PDZD2: variants seen among roughly 807,000 people sequenced by gnomAD.
PDZD2 encodes the protein PDZ domain-containing protein 2.
PDZD2 carries 90 observed loss-of-function variants against 220.7 expected under a neutral mutation model. The ratio of observed to expected loss-of-function variants is 0.41; its 90% CI spans 0.34 to 0.49. PDZD2 has a LOEUF of 0.49. Among genes scored for constraint, PDZD2 ranks in the 20% least tolerant of loss-of-function variants. PDZD2 has a pLI of 0.28. For synonymous variants in PDZD2, 1,375 were observed against 1,450.5 expected, an observed-to-expected ratio of 0.95 and a Z score of 1.18; for missense variants, 3,174 against 3,608.5, an observed-to-expected ratio of 0.88 and a Z score of 3.08.
chr5:31,856,648 C>T (rs1052259691), intron 2 of PDZD2, among the ~76,000 whole-genome samples: 5 of 152,252 alleles, frequency 3.3e-5, no homozygotes, highest in African/African-American at 1.2e-4. Context: ...TAGCGCTTCC[C>T]TTGAGCCTCT....
intron 2 of PDZD2, among the ~76,000 whole-genome samples, chr5:31,954,258 T>C (rs1747455921): frequency 6.6e-6 from 1 of 152,246 alleles, no homozygotes; most frequent in African/African-American, 2.4e-5. Flanking sequence ...ATTGCATGAT[T>C]GCATGATTTC....
At position 31,646,613 on chromosome 5, in the gene PDZD2, A is replaced by G. The variant is rs1342827325; in HGVS notation, c.-361+7176A>G. Among the ~76,000 whole-genome samples, 2 of 152,146 alleles carry G rather than the reference A, an allele frequency of 1.3e-5. No homozygotes were observed. Among genetic ancestry groups the G allele is most frequent in the Admixed American group, 6.6e-5 (1 of 15,266 alleles). On this transcript the variant is annotated intron_variant, in intron 1 of 24. Transcript: ENST00000438447. This position sits in a 1 kb window ranked among gnomAD's most constrained non-coding sequence, Gnocchi z 4.7. ...TTGAACACCCCCCACCACCCGCCCA[A>G]CACCCTCTTTCTGGCACAGTGTGTT...
chr5:31,712,398 A>C (rs1748168550), intron 1 of PDZD2, among the ~76,000 whole-genome samples: 1 of 151,946 alleles, frequency 6.6e-6, no homozygotes, highest in African/African-American at 2.4e-5. Context: ...AGACCTTGGC[A>C]ATGAAGAGCT....
At chr5:31,908,188 A>T (rs902791644) in intron 2 of PDZD2, among the ~76,000 whole-genome samples, 9 of 151,954 alleles carry the variant, frequency 5.9e-5, no homozygotes, top group African/African-American at 2.2e-4. Flanking sequence ...TTTAAAATGC[A>T]CAAAGATAGT....
At chr5:31,841,276 G>C (rs1473345957) in intron 2 of PDZD2, among the ~76,000 whole-genome samples, 2 of 152,108 alleles carry the variant, frequency 1.3e-5, no homozygotes, top group Non-Finnish European at 2.9e-5. Flanking sequence ...ACATCTGTGG[G>C]TATGAACTTA....
chr5:32,087,667 T>C lies in PDZD2; in HGVS notation c.4219T>C (p.Cys1407Arg), dbSNP rs1228710152. Residue 1407 changes from cysteine (C) to arginine (R), a missense_variant, in exon 20 of 25, where the codon TGT (cysteine) becomes CGT (arginine). By Grantham distance (180) the Cys-to-Arg change is radical. Transcript: ENST00000438447. This position sits in a 1 kb window ranked among gnomAD's most constrained non-coding sequence, Gnocchi z 4.0. The stretch of plus-strand genomic sequence containing the variant: ...ATCCACTGACAACACCAAAGAAGCA[T>C]GTGGCCATGTCTCGGGGCACTGCTG... ...LPSTDNTKEA[C>R]GHVSGHCCPG... 1.2e-6 allele frequency: 2 copies of C among 1,614,054 alleles called. No individual in the cohort carries two copies. Among genetic ancestry groups the C allele is most frequent in the Non-Finnish European group, 1.7e-6 (2 of 1,180,030 alleles).
At position 31,727,598 on chromosome 5, in the gene PDZD2, G is replaced by T. The variant is rs188880116; in HGVS notation, c.-360-71291G>T. ...ACCTGTAATCCCAGCTCCTCAGGAG[G>T]CTGAGGCAGGAGAATCGTTTGAGCC... is the stretch of plus-strand genomic sequence containing the variant. On this transcript the variant is annotated intron_variant, in intron 1 of 24. Coordinates refer to ENST00000438447, the MANE Select transcript of PDZD2 (RefSeq NM_178140.4). Among the ~76,000 whole-genome samples the T allele has an allele frequency of 1.0e-3, 153 of 151,978 alleles. 2 individuals carry two copies. Among genetic ancestry groups the T allele is most frequent in the African/African-American group, 3.5e-3 (144 of 41,420 alleles).
At chr5:31,917,685 T>C (rs1345218878) in intron 2 of PDZD2, among the ~76,000 whole-genome samples, 1 of 152,168 alleles carries the variant, frequency 6.6e-6, no homozygotes, top group Non-Finnish European at 1.5e-5. Context: ...GGGTAATTTA[T>C]AAAGAAAAGA....
At chr5:32,010,011 C>T (rs751760615) in intron 5 of PDZD2, among the ~76,000 whole-genome samples, 35 of 145,632 alleles carry the variant, frequency 2.4e-4, no homozygotes, top group African/African-American at 3.1e-4. Context: ...CACTTGAACC[C>T]GGGAGGCGGA....
chr5:31,868,313 C>T (rs527498316), intron 2 of PDZD2, among the ~76,000 whole-genome samples: 16 of 152,222 alleles, frequency 1.1e-4, no homozygotes, highest in South Asian at 4.2e-4. Flanking sequence ...GGTGTGCTGG[C>T]GTGTGCCTTT....
intron 24 of PDZD2, among the ~76,000 whole-genome samples, chr5:32,107,011 C>A (rs1389336177): frequency 2.0e-5 from 3 of 152,176 alleles, no homozygotes; most frequent in Non-Finnish European, 4.4e-5. Context: ...TCAATAACGA[C>A]TTTCAGTAAT....
At chr5:32,096,828 G>GT (rs1388092153) in intron 21 of PDZD2, among the ~76,000 whole-genome samples, 14 of 70,566 alleles carry the variant, frequency 2.0e-4, no homozygotes, top group African/African-American at 3.5e-4. Context: ...TATGTACTAT[G>GT]ATTTTTTTTT....
chr5:31,881,464 G>T (rs1739919881), intron 2 of PDZD2, among the ~76,000 whole-genome samples: 1 of 149,410 alleles, frequency 6.7e-6, no homozygotes, highest in Admixed American at 6.7e-5. Flanking sequence ...TGCAACCTCT[G>T]CCTCCCAGAT....
intron 6 of PDZD2, among the ~76,000 whole-genome samples, chr5:32,032,848 C>G (rs985601985): frequency 1.3e-5 from 2 of 152,168 alleles, no homozygotes; most frequent in South Asian, 2.1e-4. Flanking sequence ...GATTTGTGCC[C>G]AGGTAGCTGG....
At chr5:31,901,433 A>G (rs895619490) in intron 2 of PDZD2, among the ~76,000 whole-genome samples, 1 of 150,800 alleles carries the variant, frequency 6.6e-6, no homozygotes, top group African/African-American at 2.4e-5. Flanking sequence ...AAAAAAAAGA[A>G]GAAGAAAGGT....
At chr5:32,078,638 T>TGAAAA (rs1561525673) in intron 19 of PDZD2, among the ~76,000 whole-genome samples, 1 of 104,924 alleles carries the variant, frequency 9.5e-6, no homozygotes, top group Non-Finnish European at 1.8e-5. Context: ...TCTCAAAAAT[T>TGAAAA]AAAAAAAAAA....
intron 1 of PDZD2, among the ~76,000 whole-genome samples, chr5:31,712,298 G>T (rs1174428875): frequency 1.3e-5 from 2 of 152,320 alleles, no homozygotes; most frequent in East Asian, 3.9e-4. Flanking sequence ...ATTTGGTGGG[G>T]CAGTTCCCTG....
At chr5:31,880,471 T>A (rs979239868) in intron 2 of PDZD2, among the ~76,000 whole-genome samples, 5 of 152,218 alleles carry the variant, frequency 3.3e-5, no homozygotes, top group Non-Finnish European at 7.3e-5. Flanking sequence ...GTAAGCTCGT[T>A]CAAAATTCTA....
At chr5:31,996,936 G>C (rs191058373) in intron 4 of PDZD2, among the ~76,000 whole-genome samples, 2 of 152,330 alleles carry the variant, frequency 1.3e-5, no homozygotes, top group African/African-American at 4.8e-5. Flanking sequence ...TCTGGAAGTA[G>C]GAAGAGGAAT....
Sources: allele counts gnomAD v4.1 joint callset (sites outside exome capture counted in the v4.1 genomes callset), GRCh38; gene constraint gnomAD v4.1.1; non-coding constraint Gnocchi (gnomAD v3.1); transcripts MANE v1.5; gene names NCBI Gene and HGNC (gene_info 2026-07-23, HGNC 2026-07-21).